Variants in DYRK4 observed in about 807,000 individuals in gnomAD.
DYRK4 encodes dual specificity tyrosine phosphorylation regulated kinase 4.
DYRK4 carries 64 observed loss-of-function variants against 68.3 expected under a neutral mutation model. The observed-to-expected ratio is 0.94, with a 90% CI of 0.77 to 1.15. The LOEUF (loss-of-function observed/expected upper bound fraction) is 1.15, where lower values mean the gene tolerates loss of function less well. DYRK4 is among the 50% of genes most tolerant of loss of function. The pLI is 0.00. For missense variants in DYRK4, 740 were observed against 764.7 expected (o/e 0.97, Z 0.38); for synonymous variants, 274 against 289.9 (o/e 0.95, Z 0.56).
Position 4,610,204 on chromosome 12 carries a change from A to G in DYRK4, c.1410A>G (p.Arg470=). Residue 470 remains arginine (R), a synonymous_variant, in exon 13 of 15, where the codon AGA becomes AGG. Coordinates refer to ENST00000543431, the MANE Select transcript of DYRK4 (RefSeq NM_001394779.1). ...KNITNNRGKK[R]YPDSKDLTMV... ...TAACCAACAACAGGGGGAAAAAAAG[A>G]TACCCAGATTCCAAGGACCTCACGA... 6.2e-7 allele frequency: 1 copy of G among 1,603,282 alleles called. No individual in the cohort carries two copies. Among genetic ancestry groups the G allele is most frequent in the Non-Finnish European group, 8.5e-7 (1 of 1,175,834 alleles).
At position 4,599,291 on chromosome 12, in the gene DYRK4, T is replaced by TA. The variant is rs1383243347; in HGVS notation, c.1044+125_1044+126insA. On this transcript the variant is annotated intron_variant, in intron 9 of 14. Transcript: ENST00000543431. The stretch of plus-strand genomic sequence containing the variant: ...TTGACTTTTTTTTTTTTTTTTTTTT[T>TA]TGGTGCTCTACTGTCATGGCAGTAT... The TA allele has an allele frequency of 1.5e-4, 153 of 1,008,772 alleles. No individual in the cohort carries two copies. The South Asian group carries it at 2.5e-3, about 16-fold the overall frequency. The allele number at this position is 1,008,772 out of a possible 1,614,324, so 62.5% of individuals were successfully genotyped here. A position where few individuals can be genotyped will look rare whatever the true frequency, so the allele number is the denominator to read the frequency against.
At chr12:4,608,063 T>C (rs1210167338) in intron 12 of DYRK4, among the ~76,000 whole-genome samples, 1 of 152,112 alleles carries the variant, frequency 6.6e-6, no homozygotes, top group Non-Finnish European at 1.5e-5. Flanking sequence ...GAAGGATGGG[T>C]CGACAAGGTA....
chr12:4,611,627 CATTT>C (rs2137412964), intron 13 of DYRK4, among the ~76,000 whole-genome samples: 1 of 152,308 alleles, frequency 6.6e-6, no homozygotes, highest in Admixed American at 6.5e-5. Flanking sequence ...AACAGCAATT[CATTT>C]GACACAGAAA....
chr12:4,591,272 A>G lies in DYRK4; in HGVS notation c.437A>G (p.Lys146Arg). Residue 146 changes from lysine (K) to arginine (R), a missense_variant, in exon 5 of 15, where the codon AAG (lysine) becomes AGG (arginine). Lys to Arg is a conservative substitution (Grantham distance 26, BLOSUM62 2). Around this residue, in one of 3 missense-constraint regions of DYRK4, gnomAD observed 614 missense variants for 603.7 expected, o/e 1.02. Transcript: ENST00000543431. This position sits in a 1 kb window ranked among gnomAD's most constrained non-coding sequence, Gnocchi z 4.1. ...DPKAEEKSPK[K>R]QKVTLTAAEA... Reference sequence around the variant, plus strand: ...AAGGCAGAGGAGAAGTCACCAAAGAAGCAAAAGGTGACTCTGACAGCGGCA... The same window carrying G: ...AAGGCAGAGGAGAAGTCACCAAAGAGGCAAAAGGTGACTCTGACAGCGGCA... 6.2e-7 allele frequency: 1 copy of G among 1,614,132 alleles called. No homozygotes were observed. Among genetic ancestry groups the G allele is most frequent in the Non-Finnish European group, 8.5e-7 (1 of 1,179,992 alleles).
chr12:4,604,469 A>G (rs1945117011), intron 10 of DYRK4, among the ~76,000 whole-genome samples: 1 of 152,168 alleles, frequency 6.6e-6, no homozygotes, highest in African/African-American at 2.4e-5. Context: ...CAATAAGTGC[A>G]CATGCTATAT....
At chr12:4,602,214 C>A (rs1591804609) in intron 10 of DYRK4, 2 of 965,518 alleles carry the variant, frequency 2.1e-6, no homozygotes, top group African/African-American at 3.2e-5. Context: ...TGTCTTCAAT[C>A]TGCTTTGCTT....
In DYRK4 at chr12:4,602,409, G is replaced by T. The variant is rs1945091825; in HGVS notation, c.1127-2505G>T. 30 of 951,854 alleles carry T rather than the reference G, an allele frequency of 3.2e-5. No individual in the cohort carries two copies. In the South Asian group the frequency reaches 3.8e-4, roughly 12 times the overall value. The allele number at this position is 951,854 out of a possible 1,614,324, so 59.0% of individuals were successfully genotyped here. On this transcript the variant is annotated intron_variant, in intron 10 of 14. Transcript: ENST00000543431. ...TTTCTGTCAAGGGGAAAGACAGTAT[G>T]TTGAGGTCACTGATGAGATATGTGC...
chr12:4,593,454 T>A (rs1430987248), intron 6 of DYRK4, among the ~76,000 whole-genome samples: 2 of 152,176 alleles, frequency 1.3e-5, no homozygotes, highest in Non-Finnish European at 2.9e-5. Context: ...CTTCCCTGCA[T>A]AGCCCACTGG....
chr12:4,562,237 G>A lies in DYRK4; in HGVS notation c.-9G>A, dbSNP rs1268679788. 8 of 1,528,814 alleles carry A rather than the reference G, an allele frequency of 5.2e-6. No individual in the cohort carries two copies. In the East Asian group the frequency reaches 1.5e-4, roughly 28 times the overall value. 94.7% of individuals were successfully genotyped at this position (1,528,814 alleles called of 1,614,324 possible). ...CCTCCCGCAGCGGCGGGCGGTCAGC[G>A]CCGGCCTCATGCAGCTCCTCCCGCC... On this transcript the variant is annotated 5_prime_UTR_variant, in exon 1 of 15. Coordinates refer to ENST00000543431, the MANE Select transcript of DYRK4 (RefSeq NM_001394779.1).
chr12:4,585,715 A>C (rs1005449948), intron 2 of DYRK4, among the ~76,000 whole-genome samples: 8 of 152,210 alleles, frequency 5.3e-5, no homozygotes, highest in Non-Finnish European at 1.2e-4. Flanking sequence ...CAACATGGCA[A>C]ATGTATACAT....
At chr12:4,572,799 A>G (rs1944746086) in intron 2 of DYRK4, 1 of 155,094 alleles carries the variant, frequency 6.4e-6, no homozygotes. Context: ...TGGAAGCCCG[A>G]TAAGTATTGG....
Position 4,591,433 on chromosome 12 carries a change from T to C in DYRK4, c.463+135T>C. On this transcript the variant is annotated intron_variant, in intron 5 of 14. Transcript: ENST00000543431. The surrounding 1 kb of genome is among the most constrained non-coding windows in gnomAD (Gnocchi z 4.1). ...AGAAGGCAGCCAGCCAAGAGGAAAGTAGAAGTTAAGCGTTGAACCTCTGAC... is the reference window on the plus strand; with the variant it reads ...AGAAGGCAGCCAGCCAAGAGGAAAGCAGAAGTTAAGCGTTGAACCTCTGAC... 2 of 1,281,930 alleles carry C rather than the reference T, an allele frequency of 1.6e-6. No individual in the cohort carries two copies. The highest frequency in any genetic ancestry group is 1.1e-6 in the Non-Finnish European group (1 of 945,080). 79.4% of individuals were successfully genotyped at this position (1,281,930 alleles called of 1,614,324 possible).
At chr12:4,607,208 A>T (rs1006982237) in intron 11 of DYRK4, 119 bp from the exon 12 acceptor site, 2 of 1,112,134 alleles carry the variant, frequency 1.8e-6, no homozygotes, top group African/African-American at 1.6e-5. Context: ...AGATGTTATT[A>T]CTTAATGCTT....
intron 2 of DYRK4, among the ~76,000 whole-genome samples, chr12:4,585,294 C>A (rs548226209): frequency 4.6e-5 from 7 of 152,328 alleles, no homozygotes; most frequent in Middle Eastern, 3.4e-3. Flanking sequence ...TCCTTGATGC[C>A]TCCTTCTAGA....
intron 4 of DYRK4, 187 bp from the exon 5 acceptor site, chr12:4,590,973 C>A: frequency 3.0e-6 from 2 of 677,508 alleles, no homozygotes; most frequent in Non-Finnish European, 4.8e-6. Flanking sequence ...GGAATAGTGT[C>A]AGTCAGACAG....
In DYRK4 at chr12:4,605,089, A is replaced by G. The variant is rs1945127624; in HGVS notation, c.1299+3A>G. The stretch of plus-strand genomic sequence containing the variant: ...AGCAGCTGGCCTGCATCATGGAGGT[A>G]CGCGGAGGGCTGGCGGTCGGCTCCC... On this transcript the variant is annotated splice_donor_region_variant and intron_variant, in intron 11 of 14. Coordinates refer to ENST00000543431, the MANE Select transcript of DYRK4 (RefSeq NM_001394779.1). 1 of 1,610,316 alleles carries G rather than the reference A, an allele frequency of 6.2e-7. No individual in the cohort carries two copies. The highest frequency in any genetic ancestry group is 8.5e-7 in the Non-Finnish European group (1 of 1,177,940).
At chr12:4,603,129 A>T in intron 10 of DYRK4, 1 of 1,411,582 alleles carries the variant, frequency 7.1e-7, no homozygotes, top group Non-Finnish European at 1.0e-6. Flanking sequence ...TCACTATCTG[A>T]ATCTGATATG....
At chr12:4,589,378 A>G (rs971981405) in intron 3 of DYRK4, among the ~76,000 whole-genome samples, 2 of 152,138 alleles carry the variant, frequency 1.3e-5, no homozygotes, top group African/African-American at 2.4e-5. Flanking sequence ...ATACAATTAA[A>G]TTACTATTGA....
chr12:4,564,115 T>G (rs556136347), intron 1 of DYRK4, among the ~76,000 whole-genome samples: 1 of 152,258 alleles, frequency 6.6e-6, no homozygotes, highest in East Asian at 1.9e-4. Context: ...CAGGGATATA[T>G]GCAGAGGGTC....
Sources: allele counts gnomAD v4.1 joint callset (sites outside exome capture counted in the v4.1 genomes callset), GRCh38; gene constraint gnomAD v4.1.1; regional missense constraint gnomAD v4.1.1; non-coding constraint Gnocchi (gnomAD v3.1); transcripts MANE v1.5; gene names NCBI Gene and HGNC (gene_info 2026-07-23, HGNC 2026-07-21).